The following KALRN variants were observed in gnomAD, a reference collection of about 807,000 sequenced individuals.
KALRN encodes kalirin.
In KALRN, 70 loss-of-function variants were observed where a neutral mutation model predicts 353.7. The observed-to-expected ratio is 0.20, with a 90% confidence interval of 0.16 to 0.24. The LOEUF (loss-of-function observed/expected upper bound fraction) is 0.24. KALRN is among the 10% of genes least tolerant of loss of function. The probability of loss-of-function intolerance (pLI) is 1.00; values close to 1 mark genes in which losing one functional copy is unlikely to be tolerated. For missense variants in KALRN, 2,791 were observed against 3,756.7 expected (o/e 0.74, Z 6.72); for synonymous variants, 1,391 against 1,434.8 (o/e 0.97, Z 0.69).
At position 124,589,525 on chromosome 3, in the gene KALRN, C is replaced by T. The variant is rs115269767; in HGVS notation, c.5182+26436C>T. Among the ~76,000 whole-genome samples, 371 of 152,280 alleles carry T rather than the reference C, an allele frequency of 2.4e-3. 2 individuals carry two copies. Among genetic ancestry groups the T allele is most frequent in the African/African-American group, 8.1e-3 (337 of 41,550 alleles). ...GGAGGATCGGTTGAGCCCATGAATT[C>T]AAGTTTGCAGTGAACTATGATGGCA... On this transcript the variant is annotated intron_variant, in intron 34 of 59. Coordinates refer to ENST00000682506, the MANE Select transcript of KALRN (RefSeq NM_001388419.1).
chr3:124,145,905 T>C (rs1252472395), intron 1 of KALRN, among the ~76,000 whole-genome samples: 1 of 152,134 alleles, frequency 6.6e-6, no homozygotes, highest in Non-Finnish European at 1.5e-5. Flanking sequence ...CAGGGAGGGA[T>C]GTTGAAGGGA....
intron 28 of KALRN, among the ~76,000 whole-genome samples, chr3:124,487,280 TC>T (rs1179926614): frequency 1.3e-5 from 2 of 152,192 alleles, no homozygotes; most frequent in Non-Finnish European, 2.9e-5. Flanking sequence ...AAATGATCTT[TC>T]CTCCACCAAC....
At chr3:124,073,082 T>A (rs1479185615) in intron 1 of KALRN, among the ~76,000 whole-genome samples, 3 of 152,214 alleles carry the variant, frequency 2.0e-5, no homozygotes, top group East Asian at 1.9e-4. Context: ...CTGATTATAG[T>A]GAACTGAGCA....
At chr3:124,335,058 G>C (rs1232223389) in intron 9 of KALRN, among the ~76,000 whole-genome samples, 2 of 152,188 alleles carry the variant, frequency 1.3e-5, no homozygotes, top group African/African-American at 2.4e-5. Flanking sequence ...GCCTCCCAAA[G>C]TGTCAATATG....
At chr3:124,332,443 G>A (rs900852675) in intron 8 of KALRN, among the ~76,000 whole-genome samples, 1 of 152,100 alleles carries the variant, frequency 6.6e-6, no homozygotes, top group Non-Finnish European at 1.5e-5. Flanking sequence ...TTCTTTTGGG[G>A]AAGGCTCCAA....
intron 10 of KALRN, among the ~76,000 whole-genome samples, chr3:124,353,695 G>T (rs947095209): frequency 6.6e-6 from 1 of 151,852 alleles, no homozygotes. Flanking sequence ...AGGTGGGAGA[G>T]CTTAAATAGA....
At chr3:124,623,399 TAC>T (rs372330681) in intron 34 of KALRN, among the ~76,000 whole-genome samples, 13,139 of 136,374 alleles carry the variant, frequency 0.096, 700 homozygotes, top group South Asian at 0.13. Flanking sequence ...TATTTATTTA[TAC>T]ACACACACAC....
At chr3:124,266,069 C>T (rs2073500310) in intron 4 of KALRN, among the ~76,000 whole-genome samples, 2 of 152,082 alleles carry the variant, frequency 1.3e-5, no homozygotes, top group African/African-American at 4.8e-5. Flanking sequence ...GAGCTGAGAT[C>T]GTACTATTGC....
intron 1 of KALRN, among the ~76,000 whole-genome samples, chr3:124,184,690 TC>T (rs1266266085): frequency 6.6e-6 from 1 of 152,130 alleles, no homozygotes; most frequent in East Asian, 1.9e-4. Context: ...ATGTTTATAT[TC>T]CGGTTCTTTT....
chr3:124,398,893 A>ATCT, intron 13 of KALRN, 22 bp downstream of exon 13: 1 of 1,581,406 alleles, frequency 6.3e-7, no homozygotes. Flanking sequence ...CCAGGAGGGG[A>ATCT]GGTGGAGAGG....
At chr3:124,428,137 C>T (rs1201089353) in intron 15 of KALRN, among the ~76,000 whole-genome samples, 3 of 151,990 alleles carry the variant, frequency 2.0e-5, no homozygotes, top group Non-Finnish European at 4.4e-5. Flanking sequence ...GTTTTATGAA[C>T]CTGGAAGATT....
At chr3:124,679,295 T>C (rs1430869807) in intron 50 of KALRN, among the ~76,000 whole-genome samples, 163 bp from the exon 51 acceptor site, 1 of 152,238 alleles carries the variant, frequency 6.6e-6, no homozygotes, top group African/African-American at 2.4e-5. Context: ...AGCATGCTGC[T>C]GCCCCTGGTG....
At chr3:124,715,484 C>T (rs2063095076) in intron 58 of KALRN, among the ~76,000 whole-genome samples, 1 of 152,212 alleles carries the variant, frequency 6.6e-6, no homozygotes, top group Non-Finnish European at 1.5e-5. Flanking sequence ...CTGTTAATTG[C>T]TCCCTTAATG....
intron 5 of KALRN, among the ~76,000 whole-genome samples, chr3:124,274,084 G>T (rs2074447354): frequency 6.6e-6 from 1 of 152,218 alleles, no homozygotes; most frequent in Admixed American, 6.5e-5. Flanking sequence ...CATTGTAGAT[G>T]TGCCTTTGGA....
Position 124,633,853 on chromosome 3 carries a change from G to C in KALRN, c.5468G>C (p.Ser1823Thr), listed in dbSNP as rs1257169358. 1 of 1,613,618 alleles carries C rather than the reference G, an allele frequency of 6.2e-7. No homozygotes were observed. Among genetic ancestry groups the C allele is most frequent in the Admixed American group, 1.7e-5 (1 of 59,992 alleles). ...AATGCTGCTCTTTTGTTCTAGAAGA[G>C]CAAGAAAGGTTGGGGTGAAGATGAG... Reference protein sequence around the residue: ...TTPQGDSADESKKGWGEDEPD... With the variant: ...TTPQGDSADETKKGWGEDEPD... Residue 1823 changes from serine to threonine, a missense_variant and splice_region_variant, in exon 36 of 60, where the codon AGC becomes ACC. Transcript: ENST00000682506.
rs1348419996 is a variant in KALRN, at chr3:124,694,382, G to A, written c.7456G>A (p.Asp2486Asn). 3.7e-6 allele frequency: 6 copies of A among 1,614,084 alleles called. No individual in the cohort carries two copies. In the African/African-American group the frequency reaches 6.7e-5, roughly 18 times the overall value. The change falls in exon 53 of 60, where the codon GAC becomes AAC. Residue 2486 changes from aspartate (D) to asparagine (N), a missense_variant. Asp to Asn is a conservative substitution (Grantham distance 23). This residue lies in a region of KALRN where 1,065 missense variants were observed against 1,156.4 expected (regional missense o/e 0.92). Transcript: ENST00000682506. ...GGTGGATGTGACCTGCTTGCTTGGG[G>A]ACACAGTGATACTGCAGTGCAAAGT... The part of the protein sequence containing the change: ...PLVDVTCLLG[D>N]TVILQCKVCG...
intron 1 of KALRN, among the ~76,000 whole-genome samples, chr3:124,094,365 G>C (rs2061301379): frequency 6.6e-6 from 1 of 152,234 alleles, no homozygotes; most frequent in South Asian, 2.1e-4. Flanking sequence ...TCCTGGACTG[G>C]CCTCAAAGTC....
chr3:124,524,936 A>G (rs2067461837), intron 33 of KALRN, among the ~76,000 whole-genome samples: 1 of 152,250 alleles, frequency 6.6e-6, no homozygotes, highest in Non-Finnish European at 1.5e-5. Flanking sequence ...TCACACTCTC[A>G]GCAGCTTAGA....
rs1372320713 is a variant in KALRN at position 124,725,258 on chromosome 3, T to C, written c.*5788T>C. 1 of 152,238 alleles carries C rather than the reference T, an allele frequency of 6.6e-6. No homozygotes were observed. Among genetic ancestry groups the C allele is most frequent in the Non-Finnish European group, 1.5e-5 (1 of 68,040 alleles). The allele number at this position is 152,238 out of a possible 1,614,324, so 9.4% of individuals were successfully genotyped here. ...CATCTTCTCTTACTAACTTAAGCCATATCTGTCAACTCTATGTTTGATTTT... is the reference window on the plus strand; with the variant it reads ...CATCTTCTCTTACTAACTTAAGCCACATCTGTCAACTCTATGTTTGATTTT... On this transcript the variant is annotated 3_prime_UTR_variant, in exon 60 of 60. Coordinates refer to ENST00000682506, the MANE Select transcript of KALRN (RefSeq NM_001388419.1).
Sources: allele counts gnomAD v4.1 joint callset (sites outside exome capture counted in the v4.1 genomes callset), GRCh38; gene constraint gnomAD v4.1.1; regional missense constraint gnomAD v4.1.1; transcripts MANE v1.5; gene names NCBI Gene and HGNC (gene_info 2026-07-23, HGNC 2026-07-21).